NLK: variants seen among roughly 807,000 people sequenced by gnomAD.
NLK encodes the protein serine/threonine-protein kinase NLK.
NLK carries 11 observed loss-of-function variants against 59.0 expected under a neutral mutation model. That is an observed-to-expected ratio of 0.19 (90% CI 0.12 to 0.31). The LOEUF (loss-of-function observed/expected upper bound fraction) is 0.31. Among genes scored for constraint, NLK ranks in the 10% least tolerant of loss-of-function variants. The pLI is 1.00. For synonymous variants in NLK, 235 were observed against 235.9 expected, an observed-to-expected ratio of 1.00 and a Z score of 0.03; for missense variants, 410 against 661.1, an observed-to-expected ratio of 0.62 and a Z score of 4.16.
intron 3 of NLK, among the ~76,000 whole-genome samples, chr17:28,145,324 T>G (rs1907200850): frequency 6.6e-6 from 1 of 152,188 alleles, no homozygotes; most frequent in South Asian, 2.1e-4. Flanking sequence ...AATACTAATC[T>G]GATAGGTAAT....
At chr17:28,123,912 A>T (rs1906181119) in intron 2 of NLK, among the ~76,000 whole-genome samples, 1 of 152,198 alleles carries the variant, frequency 6.6e-6, no homozygotes, top group Admixed American at 6.5e-5. Context: ...TGCTATTTTA[A>T]TTGCCATAAT....
intron 3 of NLK, among the ~76,000 whole-genome samples, chr17:28,150,420 T>A (rs1158476178): frequency 1.3e-5 from 2 of 151,656 alleles, no homozygotes; most frequent in Non-Finnish European, 2.9e-5. Context: ...AGACTAGGAG[T>A]CAGGAAACCT....
At chr17:28,122,542 C>G in intron 1 of NLK, 61 bp from the exon 2 acceptor site, 1 of 1,562,612 alleles carries the variant, frequency 6.4e-7, no homozygotes, top group Non-Finnish European at 8.8e-7. Context: ...CATTGGAAAA[C>G]AAGGTGTGGA....
chr17:28,078,862 A>C (rs767147952), intron 1 of NLK, among the ~76,000 whole-genome samples: 1 of 152,202 alleles, frequency 6.6e-6, no homozygotes, highest in Non-Finnish European at 1.5e-5. Flanking sequence ...CTCCCTTCTC[A>C]GATTTATTGT....
At chr17:28,069,731 TGTCA>T (rs754131410) in intron 1 of NLK, among the ~76,000 whole-genome samples, 31 of 152,282 alleles carry the variant, frequency 2.0e-4, no homozygotes, top group Middle Eastern at 3.4e-3. Context: ...ATGATTGGTT[TGTCA>T]TTATTATTAT....
At chr17:28,175,251 C>T (rs1241247075) in intron 7 of NLK, among the ~76,000 whole-genome samples, 2 of 151,460 alleles carry the variant, frequency 1.3e-5, no homozygotes, top group Admixed American at 6.6e-5. Flanking sequence ...CGAGATCATC[C>T]TGGCTAACAT....
At chr17:28,183,866 G>C (rs1909012267) in intron 7 of NLK, among the ~76,000 whole-genome samples, 1 of 152,154 alleles carries the variant, frequency 6.6e-6, no homozygotes, top group Admixed American at 6.5e-5. Context: ...TCTGCTAAAG[G>C]TTGTATTAAG....
At chr17:28,162,992 A>G (rs898814846) in intron 4 of NLK, among the ~76,000 whole-genome samples, 1 of 152,208 alleles carries the variant, frequency 6.6e-6, no homozygotes, top group Non-Finnish European at 1.5e-5. Flanking sequence ...GACCTTTAGC[A>G]GTACTGAATG....
chr17:28,135,105 G>C (rs1906686364), intron 3 of NLK, among the ~76,000 whole-genome samples: 1 of 152,146 alleles, frequency 6.6e-6, no homozygotes, highest in Non-Finnish European at 1.5e-5. Flanking sequence ...CCATATAGTA[G>C]CATTCCTATC....
intron 5 of NLK, 91 bp downstream of exon 5, chr17:28,163,719 A>T: frequency 1.3e-6 from 1 of 765,054 alleles, no homozygotes; most frequent in Non-Finnish European, 2.2e-6. Flanking sequence ...AAAGAAGTTC[A>T]TTTCCATTAC....
At chr17:28,142,451 T>C (rs945089082) in intron 3 of NLK, among the ~76,000 whole-genome samples, 32 of 152,188 alleles carry the variant, frequency 2.1e-4, no homozygotes, top group African/African-American at 7.5e-4. Context: ...AGCACACCGA[T>C]TTTTTTCTAG....
chr17:28,172,512 T>C lies in NLK; in HGVS notation c.1048-5T>C. 1 of 1,557,268 alleles carries C rather than the reference T, an allele frequency of 6.4e-7. No individual in the cohort carries two copies. The highest frequency in any genetic ancestry group is 8.7e-7 in the Non-Finnish European group (1 of 1,150,874). On this transcript the variant is annotated splice_region_variant and splice_polypyrimidine_tract_variant and intron_variant, in intron 6 of 10. Coordinates refer to ENST00000407008, the MANE Select transcript of NLK (RefSeq NM_016231.5). ...ACTATCTATCTGTATTTTATTTCCT[T>C]GTAGTTGGATTTGATCACGGATCTG...
intron 2 of NLK, among the ~76,000 whole-genome samples, chr17:28,129,594 A>G (rs1236342499): frequency 6.6e-6 from 1 of 152,184 alleles, no homozygotes; most frequent in Non-Finnish European, 1.5e-5. Context: ...AAAAAATAAT[A>G]ATGATATAGT....
intron 1 of NLK, among the ~76,000 whole-genome samples, chr17:28,068,223 C>T (rs1909900570): frequency 6.6e-6 from 1 of 151,578 alleles, no homozygotes; most frequent in Non-Finnish European, 1.5e-5. Context: ...ATTGATTTGC[C>T]TTTATACTTT....
rs551331993 is a variant in NLK, at chr17:28,051,632, C to T, written c.458+8301C>T. ...TCGGCCTCCCAAAGTGCTGGGATTA[C>T]AGTTGTGAGCCACTGCGCCCGGCTT... On this transcript the variant is annotated intron_variant, in intron 1 of 10. Transcript: ENST00000407008. Among the ~76,000 whole-genome samples the T allele has an allele frequency of 3.3e-5, 5 of 150,930 alleles. No individual in the cohort carries two copies. The East Asian group carries it at 9.7e-4, about 29-fold the overall frequency.
At chr17:28,163,954 A>G (rs1406564432) in intron 5 of NLK, among the ~76,000 whole-genome samples, 2 of 152,244 alleles carry the variant, frequency 1.3e-5, no homozygotes, top group African/African-American at 4.8e-5. Flanking sequence ...AACAGCAAGC[A>G]TCTGTTTATA....
At chr17:28,114,040 A>G (rs999466750) in intron 1 of NLK, among the ~76,000 whole-genome samples, 2 of 152,072 alleles carry the variant, frequency 1.3e-5, no homozygotes, top group African/African-American at 4.8e-5. Context: ...TGTAAGATTT[A>G]TCTATGTTGT....
chr17:28,111,764 C>T (rs568506541), intron 1 of NLK, among the ~76,000 whole-genome samples: 1 of 151,796 alleles, frequency 6.6e-6, no homozygotes, highest in Non-Finnish European at 1.5e-5. Flanking sequence ...AATTTTTAGC[C>T]TAGCTTTCTT....
At chr17:28,055,095 CTTTTTTTTTTTTT>C (rs1041966713) in intron 1 of NLK, among the ~76,000 whole-genome samples, 2 of 132,136 alleles carry the variant, frequency 1.5e-5, no homozygotes, top group Non-Finnish European at 3.3e-5. Flanking sequence ...ATTTTTTTTT[CTTTTTTTTTTTTT>C]TTTGAGACGG....
Sources: allele counts gnomAD v4.1 joint callset (sites outside exome capture counted in the v4.1 genomes callset), GRCh38; gene constraint gnomAD v4.1.1; transcripts MANE v1.5; gene names NCBI Gene and HGNC (gene_info 2026-07-23, HGNC 2026-07-21).